The following HLA-DMA variants were observed in gnomAD, a reference collection of about 807,000 sequenced individuals.
The protein encoded by HLA-DMA is major histocompatibility complex, class II, DM alpha.
HLA-DMA carries 20 observed loss-of-function variants against 27.3 expected under a neutral mutation model. The observed-to-expected ratio is 0.73, with a 90% confidence interval of 0.52 to 1.07. The LOEUF is 1.07. Ranked by LOEUF, HLA-DMA falls within the 50% of genes least tolerant of loss-of-function variation. The pLI, the probability that HLA-DMA is intolerant of heterozygous loss-of-function variation, is 0.00. For synonymous variants in HLA-DMA, 111 were observed against 126.8 expected (o/e 0.88, Z 0.83); for missense variants, 241 against 321.7 (o/e 0.75, Z 1.92).
rs1417475690 is a variant in HLA-DMA, at chr6:32,949,264, G to A, written c.781+7C>T. Reference sequence around the variant, plus strand: ...ACAGGCTCACCCGCCCCCTCCAGATGACATACCACCTGAGCAAGGCTTCCG... The same window carrying A: ...ACAGGCTCACCCGCCCCCTCCAGATAACATACCACCTGAGCAAGGCTTCCG... On this transcript the variant is annotated splice_region_variant and intron_variant, in intron 4 of 4. Coordinates refer to ENST00000374843, the MANE Select transcript of HLA-DMA (RefSeq NM_006120.4). This position sits in a 1 kb window ranked among gnomAD's most constrained non-coding sequence, Gnocchi z 5.8. 2.5e-6 allele frequency: 4 copies of A among 1,614,092 alleles called. No individual in the cohort carries two copies. Among genetic ancestry groups the A allele is most frequent in the Non-Finnish European group, 3.4e-6 (4 of 1,180,016 alleles).
intron 1 of HLA-DMA, 62 bp downstream of exon 1, chr6:32,952,887 C>T: frequency 7.7e-7 from 1 of 1,295,554 alleles, no homozygotes; most frequent in Admixed American, 1.8e-5. Context: ...CAGCGCTTTT[C>T]CTCACAAAGC....
chr6:32,949,121 GC>G lies in HLA-DMA; in HGVS notation c.781+149del, dbSNP rs1247103650. On this transcript the variant is annotated intron_variant, in intron 4 of 4. Transcript: ENST00000374843. The surrounding 1 kb of genome is among the most constrained non-coding windows in gnomAD (Gnocchi z 5.8). ...ACTGGGTCCCCAACTGGGAAGATGT[GC>G]CCCCATGGTGCTGGATACAGGCCCC... 9.5e-7 allele frequency: 1 copy of G among 1,047,296 alleles called. No homozygotes were observed. Among genetic ancestry groups the G allele is most frequent in the Non-Finnish European group, 1.4e-6 (1 of 720,468 alleles). 64.9% of individuals were successfully genotyped at this position (1,047,296 alleles called of 1,614,324 possible).
chr6:32,951,974 T>A (rs896947024), intron 1 of HLA-DMA, among the ~76,000 whole-genome samples: 1 of 152,014 alleles, frequency 6.6e-6, no homozygotes, highest in Non-Finnish European at 1.5e-5. Context: ...AATGTATATA[T>A]ATAAAATAAA....
At chr6:32,951,282 T>C (rs998307558) in intron 1 of HLA-DMA, among the ~76,000 whole-genome samples, 1 of 152,006 alleles carries the variant, frequency 6.6e-6, no homozygotes, top group Admixed American at 6.6e-5. Context: ...TCTCCAAGCT[T>C]CCCCTGCCTA....
Position 32,949,416 on chromosome 6 carries a change from G to A in HLA-DMA, c.653-17C>T, listed in dbSNP as rs1177420169. 6.2e-7 allele frequency: 1 copy of A among 1,613,288 alleles called. No homozygotes were observed. Among genetic ancestry groups the A allele is most frequent in the Admixed American group, 1.7e-5 (1 of 59,906 alleles). On this transcript the variant is annotated splice_polypyrimidine_tract_variant and intron_variant, in intron 3 of 4. Transcript: ENST00000374843. This position sits in a 1 kb window ranked among gnomAD's most constrained non-coding sequence, Gnocchi z 5.8. ...TCCGGGGTACTGGAGGAAATGAGTGGCTCAGCCTGGGGACCTAGTTAGGGA... is the reference window on the plus strand; with the variant it reads ...TCCGGGGTACTGGAGGAAATGAGTGACTCAGCCTGGGGACCTAGTTAGGGA...
chr6:32,949,721 C>G lies in HLA-DMA; in HGVS notation c.542G>C (p.Gly181Ala), dbSNP rs6926628. The change falls in exon 3 of 5, where the codon GGA becomes GCA. Residue 181 changes from glycine (G) to alanine (A), a missense_variant. Transcript: ENST00000374843. The surrounding 1 kb of genome is among the most constrained non-coding windows in gnomAD (Gnocchi z 5.8). The stretch of plus-strand genomic sequence containing the variant: ...GTAAGAAAAGGCCTGGAAGCTGAGT[C>G]CATCGACAGCTGAGACAAAAGTAGG... The part of the protein sequence containing the change: ...FGPTFVSAVD[G>A]LSFQAFSYLN... 0.029 allele frequency: 47,112 copies of G among 1,613,008 alleles called. 780 individuals carry two copies. The highest frequency in any genetic ancestry group is 0.044 in the South Asian group (4,043 of 91,082).
rs374487558 is a variant in HLA-DMA at position 32,950,719 on chromosome 6, C to T, written c.173G>A (p.Gly58Glu). ...VYCQDGSPSV[G>E]LSEAYDEDQL... is the part of the protein sequence containing the mutation. ...GTCCTCGTCGTAGGCCTCAGAGAGTCCCACACTGGGACTCCCATCCTGGCA... is the reference window on the plus strand; with the variant it reads ...GTCCTCGTCGTAGGCCTCAGAGAGTTCCACACTGGGACTCCCATCCTGGCA... The change falls in exon 2 of 5, where the codon GGA becomes GAA. Residue 58 changes from glycine (G) to glutamate (E), a missense_variant. Transcript: ENST00000374843. This position sits in a 1 kb window ranked among gnomAD's most constrained non-coding sequence, Gnocchi z 5.0. 9 of 1,612,928 alleles carry T rather than the reference C, an allele frequency of 5.6e-6. No individual in the cohort carries two copies. The African/African-American group carries it at 1.1e-4, about 19-fold the overall frequency.
In HLA-DMA at chr6:32,948,728, G is replaced by T; in HGVS notation, c.*136C>A. On this transcript the variant is annotated 3_prime_UTR_variant, in exon 5 of 5. Transcript: ENST00000374843. ...CAGGGACAGCAGAGTCCCCAGGTGGGAAATCTACACACACACCCCAGGGAT... is the reference window on the plus strand; with the variant it reads ...CAGGGACAGCAGAGTCCCCAGGTGGTAAATCTACACACACACCCCAGGGAT... 9.3e-7 allele frequency: 1 copy of T among 1,076,714 alleles called. No homozygotes were observed. The highest frequency in any genetic ancestry group is 1.4e-6 in the Non-Finnish European group (1 of 702,740). 66.7% of individuals were successfully genotyped at this position (1,076,714 alleles called of 1,614,324 possible).
In HLA-DMA at chr6:32,950,342, A is replaced by T; in HGVS notation, c.373+177T>A. 1 of 736,296 alleles carries T rather than the reference A, an allele frequency of 1.4e-6. No homozygotes were observed. Among genetic ancestry groups the T allele is most frequent in the Non-Finnish European group, 2.3e-6 (1 of 429,890 alleles). 45.6% of individuals were successfully genotyped at this position (736,296 alleles called of 1,614,324 possible). On this transcript the variant is annotated intron_variant, in intron 2 of 4. Coordinates refer to ENST00000374843, the MANE Select transcript of HLA-DMA (RefSeq NM_006120.4). The surrounding 1 kb of genome is among the most constrained non-coding windows in gnomAD (Gnocchi z 5.0). ...TCTGAATGCCTACTACATGCTAGGT[A>T]CTTCGGCCCACCAAAAGAACACAGG... is the stretch of plus-strand genomic sequence containing the variant.
At position 32,949,827 on chromosome 6, in the gene HLA-DMA, C is replaced by T. The variant is rs760032947; in HGVS notation, c.436G>A (p.Val146Ile). ...GGGAAGAGATTACTGACAAAACAGA[C>T]CAAAGTGTTGGGCTTGCCAAACTCC... The part of the protein sequence containing the change: ...PLEFGKPNTL[V>I]CFVSNLFPPM... Residue 146 changes from valine (V) to isoleucine (I), a missense_variant, in exon 3 of 5, where the codon GTC becomes ATC. Coordinates refer to ENST00000374843, the MANE Select transcript of HLA-DMA (RefSeq NM_006120.4). This position sits in a 1 kb window ranked among gnomAD's most constrained non-coding sequence, Gnocchi z 5.8. 10 of 1,612,932 alleles carry T rather than the reference C, an allele frequency of 6.2e-6. No individual in the cohort carries two copies. Among genetic ancestry groups the T allele is most frequent in the Non-Finnish European group, 8.5e-6 (10 of 1,180,046 alleles).
chr6:32,952,743 G>A (rs1219163675), intron 1 of HLA-DMA, among the ~76,000 whole-genome samples: 1 of 152,278 alleles, frequency 6.6e-6, no homozygotes, highest in Admixed American at 6.5e-5. Flanking sequence ...AACAATCTCC[G>A]CTTCAAGAGA....
rs367633178 is a variant in HLA-DMA, at chr6:32,953,076, C to A, written c.-40G>T. 5 of 1,523,286 alleles carry A rather than the reference C, an allele frequency of 3.3e-6. No homozygotes were observed. The African/African-American group carries it at 6.8e-5, about 21-fold the overall frequency. 94.4% of individuals were successfully genotyped at this position (1,523,286 alleles called of 1,614,324 possible). A position where few individuals can be genotyped will look rare whatever the true frequency, so the allele number is the denominator to read the frequency against. On this transcript the variant is annotated 5_prime_UTR_variant, in exon 1 of 5. Transcript: ENST00000374843. ...CAGTAGGTAGGAGCTACCAACCCAG[C>A]CAACCCAGCTTCCCCAACTCCCTCC...
At chr6:32,952,762 A>C (rs752542269) in intron 1 of HLA-DMA, among the ~76,000 whole-genome samples, 187 bp downstream of exon 1, 12 of 152,188 alleles carry the variant, frequency 7.9e-5, no homozygotes, top group Non-Finnish European at 1.6e-4. Flanking sequence ...GATTGTCTTA[A>C]ATGGAACATG....
intron 1 of HLA-DMA, among the ~76,000 whole-genome samples, chr6:32,951,765 C>T (rs1328688808): frequency 1.3e-5 from 2 of 151,288 alleles, no homozygotes; most frequent in Admixed American, 1.3e-4. Flanking sequence ...CCCATCTCTA[C>T]TAAAAATACA....
Position 32,948,811 on chromosome 6 carries a change from A to G in HLA-DMA, c.*53T>C, listed in dbSNP as rs886730347. On this transcript the variant is annotated 3_prime_UTR_variant, in exon 5 of 5. Coordinates refer to ENST00000374843, the MANE Select transcript of HLA-DMA (RefSeq NM_006120.4). ...TGGGCAGGATGTGAGAAATCTGAGC[A>G]TCCTCTGTTTGGATGGCCGAAGCTG... 2.5e-6 allele frequency: 4 copies of G among 1,609,614 alleles called. No individual in the cohort carries two copies. Among genetic ancestry groups the G allele is most frequent in the Non-Finnish European group, 3.4e-6 (4 of 1,176,044 alleles).
rs1776967227 is a variant in HLA-DMA at position 32,952,982 on chromosome 6, A to G, written c.55T>C (p.Trp19Arg). Reference protein sequence around the residue: ...AALLQMLPLLWLLPHSWAVPE... With the variant: ...AALLQMLPLLRLLPHSWAVPE... ...ACGGCCCAGGAGTGGGGTAGCAGCCACAGAAGTGGTAACATCTGTAGCAGC... is the reference window on the plus strand; with the variant it reads ...ACGGCCCAGGAGTGGGGTAGCAGCCGCAGAAGTGGTAACATCTGTAGCAGC... The change falls in exon 1 of 5, where the codon TGG becomes CGG. Residue 19 changes from tryptophan to arginine, a missense_variant. Trp to Arg is a moderately radical substitution (Grantham distance 101). Coordinates refer to ENST00000374843, the MANE Select transcript of HLA-DMA (RefSeq NM_006120.4). 6.2e-7 allele frequency: 1 copy of G among 1,612,994 alleles called. No homozygotes were observed. Among genetic ancestry groups the G allele is most frequent in the African/African-American group, 1.3e-5 (1 of 75,040 alleles).
chr6:32,949,910 T>C lies in HLA-DMA; in HGVS notation c.374-21A>G, dbSNP rs1158814173. The C allele has an allele frequency of 9.3e-6, 15 of 1,609,188 alleles. No individual in the cohort carries two copies. The highest frequency in any genetic ancestry group is 6.6e-5 in the South Asian group (6 of 90,994). On this transcript the variant is annotated intron_variant, in intron 2 of 4. Transcript: ENST00000374843. This position sits in a 1 kb window ranked among gnomAD's most constrained non-coding sequence, Gnocchi z 5.8. ...AAACCCTGGTGGGGGGATTGAAGTG[T>C]AGGGGGAAAAAGAGACTAGTTTAGA...
chr6:32,950,164 G>A lies in HLA-DMA; in HGVS notation c.374-275C>T. The A allele has an allele frequency of 5.1e-6, 3 of 593,604 alleles. No homozygotes were observed. Among genetic ancestry groups the A allele is most frequent in the Non-Finnish European group, 3.0e-6 (1 of 334,746 alleles). 36.8% of individuals were successfully genotyped at this position (593,604 alleles called of 1,614,324 possible). A position where few individuals can be genotyped will look rare whatever the true frequency, so the allele number is the denominator to read the frequency against. ...CTTCCTGTCTAGAGCTCACATTGAT[G>A]TCTAACCATGCACTGTCTTCTCACT... On this transcript the variant is annotated intron_variant, in intron 2 of 4. Coordinates refer to ENST00000374843, the MANE Select transcript of HLA-DMA (RefSeq NM_006120.4). The surrounding 1 kb of genome is among the most constrained non-coding windows in gnomAD (Gnocchi z 5.0).
At chr6:32,951,937 T>A (rs1776919121) in intron 1 of HLA-DMA, among the ~76,000 whole-genome samples, 2 of 151,828 alleles carry the variant, frequency 1.3e-5, no homozygotes, top group Non-Finnish European at 2.9e-5. Context: ...TCAAAAAAAA[T>A]AAATTAAATC....
Sources: allele counts gnomAD v4.1 joint callset (sites outside exome capture counted in the v4.1 genomes callset), GRCh38; gene constraint gnomAD v4.1.1; non-coding constraint Gnocchi (gnomAD v3.1); transcripts MANE v1.5; gene names NCBI Gene and HGNC (gene_info 2026-07-23, HGNC 2026-07-21).